Variants in THAP4 observed in about 807,000 individuals in gnomAD.
THAP4 encodes peroxynitrite isomerase THAP4.
In THAP4, 18 loss-of-function variants were observed where a neutral mutation model predicts 48.1. The ratio of observed to expected loss-of-function variants is 0.37; its 90% CI spans 0.26 to 0.56. The LOEUF is 0.56. Ranked by LOEUF, THAP4 falls within the 20% of genes least tolerant of loss-of-function variation. THAP4 has a pLI of 0.78. For synonymous variants in THAP4, 345 were observed against 324.9 expected (o/e 1.06, Z -0.66); for missense variants, 656 against 774.9 (o/e 0.85, Z 1.82).
chr2:241,636,971 T>C lies in THAP4; in HGVS notation c.47A>G (p.Lys16Arg). 1 of 1,321,548 alleles carries C rather than the reference T, an allele frequency of 7.6e-7. No homozygotes were observed. The allele number at this position is 1,321,548 out of a possible 1,614,324, so 81.9% of individuals were successfully genotyped here. ...AAVNCSNRQG[K>R]GEKRAVSFHR... is the part of the protein sequence containing the mutation. ...GAAGGAGACGGCGCGCTTCTCGCCC[T>C]TTCCCTGCCGGTTGGAGCAGTTCAC... Residue 16 changes from lysine to arginine, a missense_variant, in exon 1 of 6, where the codon AAG becomes AGG. Physicochemically the swap from Lys to Arg is conservative, Grantham distance 26. Coordinates refer to ENST00000407315, the MANE Select transcript of THAP4 (RefSeq NM_015963.6).
At chr2:241,619,842 GGTGA>G (rs1559230441) in intron 2 of THAP4, among the ~76,000 whole-genome samples, 2 of 94,832 alleles carry the variant, frequency 2.1e-5, no homozygotes, top group African/African-American at 3.8e-5. Flanking sequence ...GTGAGTGAGG[GGTGA>G]GTGAGGGGTG....
chr2:241,634,060 T>G lies in THAP4; in HGVS notation c.97A>C (p.Lys33Gln). 1 of 1,593,432 alleles carries G rather than the reference T, an allele frequency of 6.3e-7. No individual in the cohort carries two copies. Among genetic ancestry groups the G allele is most frequent in the South Asian group, 1.1e-5 (1 of 88,712 alleles). Reference sequence around the variant, plus strand: ...GCTTTTAACCATTGGATTAGACGTTTTGAGTCCTTTAGGGGGAACCTACAG... The same window carrying G: ...GCTTTTAACCATTGGATTAGACGTTGTGAGTCCTTTAGGGGGAACCTACAG... ...SFHRFPLKDS[K>Q]RLIQWLKAVQ... Residue 33 changes from lysine to glutamine, a missense_variant, in exon 2 of 6, where the codon AAA (lysine) becomes CAA (glutamine). By Grantham distance (53) the Lys-to-Gln change is moderately conservative. Around this residue, in one of 4 missense-constraint regions of THAP4, gnomAD observed 59 missense variants for 45.8 expected, o/e 1.29. Coordinates refer to ENST00000407315, the MANE Select transcript of THAP4 (RefSeq NM_015963.6).
intron 2 of THAP4, among the ~76,000 whole-genome samples, chr2:241,620,722 A>T (rs1310440855): frequency 6.6e-6 from 1 of 151,924 alleles, no homozygotes; most frequent in African/African-American, 2.4e-5. Flanking sequence ...ACTGTACACT[A>T]TGGTAGACTT....
At chr2:241,591,762 C>G (rs2066982462) in intron 5 of THAP4, among the ~76,000 whole-genome samples, 1 of 152,310 alleles carries the variant, frequency 6.6e-6, no homozygotes, top group East Asian at 1.9e-4. Flanking sequence ...TTAGGTTGAA[C>G]TGTGAAGCTT....
chr2:241,614,931 T>TA lies in THAP4; in HGVS notation c.1241-8459_1241-8458insT, dbSNP rs751278650. Reference sequence around the variant, plus strand: ...CAAAAACAAAAACAAAACTAAGGAATGCCTTCTTCAAGTTCCTCTGGAACA... The same window carrying TA: ...CAAAAACAAAAACAAAACTAAGGAATAGCCTTCTTCAAGTTCCTCTGGAACA... On this transcript the variant is annotated intron_variant, in intron 2 of 5. Transcript: ENST00000407315. Among the ~76,000 whole-genome samples the TA allele has an allele frequency of 8.5e-4, 130 of 152,092 alleles. 1 individual carries two copies. The highest frequency in any genetic ancestry group is 1.1e-3 in the Non-Finnish European group (74 of 67,984).
At chr2:241,625,171 C>T (rs1162635247) in intron 2 of THAP4, among the ~76,000 whole-genome samples, 2 of 152,028 alleles carry the variant, frequency 1.3e-5, no homozygotes, top group African/African-American at 2.4e-5. Flanking sequence ...TACCAAAACA[C>T]GCACACTACA....
rs1475035127 is a variant in THAP4 at position 241,636,937 on chromosome 2, G to C, written c.77+4C>G. 10 of 1,265,638 alleles carry C rather than the reference G, an allele frequency of 7.9e-6. No individual in the cohort carries two copies. Among genetic ancestry groups the C allele is most frequent in the Non-Finnish European group, 1.0e-5 (10 of 981,330 alleles). 78.4% of individuals were successfully genotyped at this position (1,265,638 alleles called of 1,614,324 possible). ...GGGGGCGTGGCGGCCCGGGGCCCGC[G>C]TACCTGTGGAAGGAGACGGCGCGCT... On this transcript the variant is annotated splice_donor_region_variant and intron_variant, in intron 1 of 5. Transcript: ENST00000407315.
chr2:241,585,924 A>G (rs1380904544), intron 5 of THAP4, among the ~76,000 whole-genome samples: 2 of 144,312 alleles, frequency 1.4e-5, no homozygotes, highest in Non-Finnish European at 3.0e-5. Flanking sequence ...AAAAAAAAAA[A>G]AAAAAGAAAA....
chr2:241,624,449 T>C (rs2067470884), intron 2 of THAP4, among the ~76,000 whole-genome samples: 1 of 151,134 alleles, frequency 6.6e-6, no homozygotes, highest in African/African-American at 2.4e-5. Context: ...ATCGCGCCAC[T>C]GTACTCCAGC....
chr2:241,621,297 G>A (rs780797492), intron 2 of THAP4, among the ~76,000 whole-genome samples: 27 of 152,192 alleles, frequency 1.8e-4, no homozygotes, highest in African/African-American at 5.3e-4. Context: ...GCAGTGAGCC[G>A]AGACTGTGCC....
chr2:241,637,548 G>T (rs761005266), upstream of THAP4: 10 of 1,471,778 alleles, frequency 6.8e-6, 1 homozygote, highest in Admixed American at 5.1e-5. Flanking sequence ...CGTCGGCCCG[G>T]CCGTACGCCA....
chr2:241,620,200 A>C (rs199903128), intron 2 of THAP4, among the ~76,000 whole-genome samples: 2 of 6,986 alleles, frequency 2.9e-4, no homozygotes, highest in African/African-American at 6.9e-4. Flanking sequence ...AGGGGTGAGG[A>C]GTGAGTGAGG....
chr2:241,591,130 TAGG>T (rs2066972564), intron 5 of THAP4, among the ~76,000 whole-genome samples: 2 of 102,418 alleles, frequency 2.0e-5, no homozygotes, highest in East Asian at 6.7e-4. Flanking sequence ...TGATGGGCAC[TAGG>T]ACACTCAGAA....
intron 5 of THAP4, chr2:241,594,702 G>A (rs1208057140): frequency 2.1e-5 from 4 of 188,182 alleles, no homozygotes; most frequent in South Asian, 9.5e-5. Flanking sequence ...AAGTTGCAGC[G>A]AGCCAAGATC....
At position 241,637,104 on chromosome 2, in the gene THAP4, G is replaced by A. The variant is rs996872448; in HGVS notation, c.-87C>T. ...CCGCCCCGAGGGAGGGAGCGCGGCGGCGACACGGCTCGGGACGTGGGCCGG... is the reference window on the plus strand; with the variant it reads ...CCGCCCCGAGGGAGGGAGCGCGGCGACGACACGGCTCGGGACGTGGGCCGG... On this transcript the variant is annotated 5_prime_UTR_variant, in exon 1 of 6. Coordinates refer to ENST00000407315, the MANE Select transcript of THAP4 (RefSeq NM_015963.6). The A allele has an allele frequency of 9.8e-6, 10 of 1,019,492 alleles. No homozygotes were observed. Among genetic ancestry groups the A allele is most frequent in the African/African-American group, 5.2e-5 (3 of 57,228 alleles). The allele number at this position is 1,019,492 out of a possible 1,614,324, so 63.2% of individuals were successfully genotyped here. A position where few individuals can be genotyped will look rare whatever the true frequency, so the allele number is the denominator to read the frequency against.
At chr2:241,634,927 G>A (rs957875030) in intron 1 of THAP4, among the ~76,000 whole-genome samples, 1 of 152,278 alleles carries the variant, frequency 6.6e-6, no homozygotes, top group African/African-American at 2.4e-5. Flanking sequence ...CCACTCACAT[G>A]AGGTACTCAG....
At chr2:241,618,465 C>A (rs930467043) in intron 2 of THAP4, among the ~76,000 whole-genome samples, 4 of 152,038 alleles carry the variant, frequency 2.6e-5, no homozygotes, top group African/African-American at 9.7e-5. Flanking sequence ...TAGCAATAAC[C>A]GAAAAATAAT....
At chr2:241,620,671 A>G (rs2067418757) in intron 2 of THAP4, among the ~76,000 whole-genome samples, 1 of 151,670 alleles carries the variant, frequency 6.6e-6, no homozygotes, top group African/African-American at 2.4e-5. Context: ...TGACTGAGGC[A>G]GTGACTGCGG....
intron 2 of THAP4, among the ~76,000 whole-genome samples, chr2:241,631,908 T>C (rs1298136887): frequency 6.6e-6 from 1 of 151,454 alleles, no homozygotes; most frequent in Non-Finnish European, 1.5e-5. Flanking sequence ...TTTTTTTTTT[T>C]CTCTTTTGAG....
Sources: allele counts gnomAD v4.1 joint callset (sites outside exome capture counted in the v4.1 genomes callset), GRCh38; gene constraint gnomAD v4.1.1; regional missense constraint gnomAD v4.1.1; transcripts MANE v1.5; gene names NCBI Gene and HGNC (gene_info 2026-07-23, HGNC 2026-07-21).